Variants in RP1 observed in about 807,000 individuals in gnomAD.
The protein encoded by RP1 is RP1 axonemal microtubule associated.
RP1 carries 16 observed loss-of-function variants against 14.8 expected under a neutral mutation model. That is an observed-to-expected ratio of 1.08 (90% CI 0.73 to 1.65). The LOEUF is 1.65. Among genes scored for constraint, RP1 ranks in the 40% most tolerant of loss-of-function variants. RP1 has a pLI of 0.00. For synonymous variants in RP1, 876 were observed against 883.6 expected (o/e 0.99, Z 0.15); for missense variants, 2,631 against 2,535.0 (o/e 1.04, Z -0.81).
At chr8:54,851,417 C>T (rs558599424) in intron 25 of RP1, among the ~76,000 whole-genome samples, 125 of 152,286 alleles carry the variant, frequency 8.2e-4, no homozygotes, top group African/African-American at 2.9e-3. Context: ...TAAAAGATTT[C>T]TCAGTGAACA....
chr8:54,778,699 A>G (rs536195469), intron 23 of RP1, among the ~76,000 whole-genome samples: 1 of 152,090 alleles, frequency 6.6e-6, no homozygotes, highest in African/African-American at 2.4e-5. Context: ...GAAAGAGAGG[A>G]CATTTTGGCT....
chr8:54,765,370 G>C (rs1008336739), intron 22 of RP1, among the ~76,000 whole-genome samples: 1 of 152,204 alleles, frequency 6.6e-6, no homozygotes, highest in Non-Finnish European at 1.5e-5. Context: ...TAAATCATGA[G>C]CTGAGCCTTA....
chr8:54,663,630 T>C, intron 6 of RP1: 7 of 1,351,978 alleles, frequency 5.2e-6, no homozygotes, highest in Non-Finnish European at 6.7e-6. Context: ...TAAGAGGAGA[T>C]TTCTGTATGT....
At chr8:54,670,290 T>C (rs1386623271) in intron 7 of RP1, among the ~76,000 whole-genome samples, 1 of 151,762 alleles carries the variant, frequency 6.6e-6, no homozygotes, top group Non-Finnish European at 1.5e-5. Context: ...GTGTTGGTCA[T>C]GTCCACTTGC....
intron 18 of RP1, among the ~76,000 whole-genome samples, chr8:54,738,402 C>T (rs570489694): frequency 2.0e-5 from 3 of 152,212 alleles, no homozygotes; most frequent in African/African-American, 4.8e-5. Flanking sequence ...TAAATCAGCA[C>T]CCATATTCTG....
chr8:54,681,698 C>G (rs1807436748), intron 12 of RP1, among the ~76,000 whole-genome samples: 1 of 152,024 alleles, frequency 6.6e-6, no homozygotes, highest in East Asian at 1.9e-4. Flanking sequence ...CCTGGACCCC[C>G]AACAGGTCCC....
At chr8:54,796,622 C>G (rs1376073486) in intron 24 of RP1, among the ~76,000 whole-genome samples, 3 of 152,086 alleles carry the variant, frequency 2.0e-5, no homozygotes. Context: ...GATTGGTGAG[C>G]TGTAAGCCAA....
upstream of RP1, among the ~76,000 whole-genome samples, chr8:54,612,972 C>T (rs938225477): frequency 1.3e-5 from 2 of 152,196 alleles, no homozygotes; most frequent in Non-Finnish European, 2.9e-5. Flanking sequence ...TTTATAGGAT[C>T]TAACATGCTG....
chr8:54,818,232 A>G lies in RP1; in HGVS notation c.3616-19218A>G, dbSNP rs541025432. On this transcript the variant is annotated intron_variant, in intron 24 of 28. Transcript: ENST00000637698. ...AGTCCTGCATTCTTCATTTGCATGC[A>G]TCTTATGCAACCTCAAACTGGCTAC... 3.9e-5 allele frequency among the ~76,000 whole-genome samples: 6 copies of G among 152,330 alleles called. No homozygotes were observed. In the South Asian group the frequency reaches 1.2e-3, roughly 32 times the overall value.
intron 2 of RP1, 102 bp downstream of exon 2, chr8:54,621,683 C>T (rs1389522496): frequency 3.2e-6 from 5 of 1,541,170 alleles, no homozygotes; most frequent in African/African-American, 2.7e-5. Context: ...GGAAATCTTC[C>T]TTCCTCCCTG....
At chr8:54,715,823 A>G (rs182798498) in intron 15 of RP1, among the ~76,000 whole-genome samples, 34 of 152,326 alleles carry the variant, frequency 2.2e-4, no homozygotes, top group African/African-American at 7.9e-4. Flanking sequence ...CACTAGTGCT[A>G]CAGTAGATAT....
intron 24 of RP1, among the ~76,000 whole-genome samples, chr8:54,819,225 T>A (rs145452396): frequency 2.0e-5 from 3 of 152,076 alleles, no homozygotes; most frequent in Non-Finnish European, 2.9e-5. Context: ...TTCTTCTGCT[T>A]GATCAGTTCA....
chr8:54,762,977 T>C (rs1428494267), intron 22 of RP1, among the ~76,000 whole-genome samples: 1 of 152,214 alleles, frequency 6.6e-6, no homozygotes, highest in African/African-American at 2.4e-5. Context: ...CCCATCCTAC[T>C]CCAGTATGGC....
intron 1 of RP1, among the ~76,000 whole-genome samples, chr8:54,566,843 C>A (rs572911015): frequency 1.3e-5 from 2 of 152,306 alleles, no homozygotes; most frequent in Admixed American, 1.3e-4. Context: ...CAACTAGTAA[C>A]CCAGAGACAA....
At position 54,628,297 on chromosome 8, in the gene RP1, A is replaced by C; in HGVS notation, c.4415A>C (p.Glu1472Ala). Residue 1472 changes from glutamate (E) to alanine (A), a missense_variant, in exon 4 of 4, where the codon GAA (glutamate) becomes GCA (alanine). Glu to Ala is a moderately radical substitution (Grantham distance 107). Transcript: ENST00000220676. ...ISELESFEELENHDTDIFNTV... is the reference protein window; with the variant it reads ...ISELESFEELANHDTDIFNTV... ...GAATTGGAATCTTTTGAAGAATTAG[A>C]AAACCATGACACTGATATCTTTAAT... 6.2e-7 allele frequency: 1 copy of C among 1,613,972 alleles called. No individual in the cohort carries two copies. The highest frequency in any genetic ancestry group is 1.6e-4 in the Middle Eastern group (1 of 6,062).
chr8:54,703,665 A>G (rs1808082473), intron 14 of RP1, among the ~76,000 whole-genome samples: 3 of 152,314 alleles, frequency 2.0e-5, no homozygotes, highest in South Asian at 4.1e-4. Context: ...CCAGGCAATG[A>G]ATTCTCCTCT....
chr8:54,696,788 C>A, intron 12 of RP1: 1 of 725,318 alleles, frequency 1.4e-6, no homozygotes, highest in Non-Finnish European at 2.5e-6. Flanking sequence ...CCTAAAAATG[C>A]CACGTATAGT....
downstream of RP1, among the ~76,000 whole-genome samples, chr8:54,770,352 T>C (rs1809871282): frequency 6.6e-6 from 1 of 151,988 alleles, no homozygotes; most frequent in Non-Finnish European, 1.5e-5. Context: ...ACAGCAACTT[T>C]AGCTCCAAAT....
intron 26 of RP1, chr8:54,857,003 C>A (rs1036004615): frequency 1.9e-5 from 15 of 808,906 alleles, no homozygotes; most frequent in Non-Finnish European, 9.9e-6. Flanking sequence ...CTAATGGTCA[C>A]TGAGTTTATT....
Sources: gnomAD v4.1 joint callset for allele counts (sites outside exome capture counted in the v4.1 genomes callset) on GRCh38, gnomAD v4.1.1 for gene constraint, MANE v1.5 for transcripts, NCBI Gene and HGNC (gene_info 2026-07-23, HGNC 2026-07-21) for gene names.